ARL15: variants seen among roughly 807,000 people sequenced by gnomAD.
ARL15 encodes the protein ADP-ribosylation factor-like protein 15.
Under a neutral mutation model 25.2 loss-of-function variants are expected in ARL15, and 19 were observed. That is an observed-to-expected ratio of 0.75 (90% CI 0.53 to 1.10). The LOEUF is 1.10. ARL15 is among the 50% of genes least tolerant of loss of function. The pLI is 0.00. For missense variants in ARL15, 220 were observed against 246.0 expected, an observed-to-expected ratio of 0.89 and a Z score of 0.71; for synonymous variants, 94 against 86.8, an observed-to-expected ratio of 1.08 and a Z score of -0.46.
intron 4 of ARL15, among the ~76,000 whole-genome samples, chr5:54,044,720 G>T (rs1750453904): frequency 1.3e-5 from 2 of 152,054 alleles, no homozygotes; most frequent in African/African-American, 4.8e-5. Flanking sequence ...ACAGTTTTTT[G>T]TGTGCCTTTA....
At chr5:54,037,680 G>A (rs774492705) in intron 4 of ARL15, among the ~76,000 whole-genome samples, 39 of 152,058 alleles carry the variant, frequency 2.6e-4, no homozygotes, top group Middle Eastern at 3.4e-3. Context: ...GGATGATTAC[G>A]GTATTTAATA....
chr5:53,909,718 T>A (rs1025069818), intron 4 of ARL15, among the ~76,000 whole-genome samples: 2 of 151,566 alleles, frequency 1.3e-5, no homozygotes, highest in African/African-American at 4.8e-5. Flanking sequence ...AAAAGAAAAA[T>A]AATAATAAAA....
intron 1 of ARL15, among the ~76,000 whole-genome samples, chr5:54,187,155 C>T (rs1020218341): frequency 3.3e-5 from 5 of 152,158 alleles, no homozygotes; most frequent in African/African-American, 1.2e-4. Context: ...ATGCTAACTG[C>T]TTGCCACCCT....
At chr5:54,071,127 G>C (rs1751404436) in intron 4 of ARL15, among the ~76,000 whole-genome samples, 1 of 151,330 alleles carries the variant, frequency 6.6e-6, no homozygotes, top group South Asian at 2.1e-4. Context: ...CCATGTTCGT[G>C]CCGCTGCACT....
intron 4 of ARL15, among the ~76,000 whole-genome samples, chr5:53,987,768 C>A (rs1251927797): frequency 6.6e-6 from 1 of 152,076 alleles, no homozygotes; most frequent in Non-Finnish European, 1.5e-5. Context: ...CTAGGCAACA[C>A]AGGGAGACCC....
intron 1 of ARL15, among the ~76,000 whole-genome samples, chr5:54,290,293 T>C (rs1206955265): frequency 6.6e-6 from 1 of 151,288 alleles, no homozygotes; most frequent in Non-Finnish European, 1.5e-5. Context: ...TTATATCAAC[T>C]ATCACTCAAC....
intron 4 of ARL15, among the ~76,000 whole-genome samples, chr5:53,919,877 C>T (rs926221491): frequency 6.6e-6 from 1 of 152,124 alleles, no homozygotes; most frequent in Non-Finnish European, 1.5e-5. Context: ...CACTGTCCTG[C>T]CATTTTCTAA....
chr5:54,064,715 T>TA (rs1404334261), intron 4 of ARL15, among the ~76,000 whole-genome samples: 1 of 136,042 alleles, frequency 7.4e-6, no homozygotes, highest in Non-Finnish European at 1.6e-5. Flanking sequence ...TTATGAGCAC[T>TA]AAAAATCTAG....
At chr5:54,029,490 T>A (rs1259642826) in intron 4 of ARL15, among the ~76,000 whole-genome samples, 1 of 152,102 alleles carries the variant, frequency 6.6e-6, no homozygotes, top group Non-Finnish European at 1.5e-5. Flanking sequence ...GTAGACATAT[T>A]AAGCATATGT....
intron 1 of ARL15, among the ~76,000 whole-genome samples, chr5:54,189,139 A>G (rs1755325875): frequency 6.6e-6 from 1 of 152,204 alleles, no homozygotes; most frequent in Non-Finnish European, 1.5e-5. Context: ...GTACAATAAA[A>G]GCCACAAAAC....
chr5:53,909,960 T>C (rs1161338428), intron 4 of ARL15, among the ~76,000 whole-genome samples: 1 of 152,196 alleles, frequency 6.6e-6, no homozygotes, highest in South Asian at 2.1e-4. Flanking sequence ...TTTTTAACCA[T>C]CATAGTTAAG....
intron 4 of ARL15, among the ~76,000 whole-genome samples, chr5:54,105,471 A>T (rs759933451): frequency 6.6e-6 from 1 of 152,262 alleles, no homozygotes; most frequent in Non-Finnish European, 1.5e-5. Context: ...GTTATGATTC[A>T]TTATAAAATA....
intron 4 of ARL15, among the ~76,000 whole-genome samples, chr5:54,029,150 C>T (rs1447925606): frequency 6.6e-6 from 1 of 152,110 alleles, no homozygotes; most frequent in Non-Finnish European, 1.5e-5. Flanking sequence ...CTTTTACTTG[C>T]CCTATAACCT....
chr5:54,298,179 G>A (rs1053388037), intron 1 of ARL15, among the ~76,000 whole-genome samples: 3 of 151,844 alleles, frequency 2.0e-5, no homozygotes, highest in Non-Finnish European at 2.9e-5. Flanking sequence ...CTAAGTTCCC[G>A]CACCCCATTG....
intron 1 of ARL15, among the ~76,000 whole-genome samples, chr5:54,222,079 G>A (rs1756394705): frequency 6.6e-6 from 1 of 152,216 alleles, no homozygotes; most frequent in African/African-American, 2.4e-5. Flanking sequence ...CCAAGCTGGA[G>A]TGGAAATATC....
chr5:54,296,110 T>C (rs1758459953), intron 1 of ARL15, among the ~76,000 whole-genome samples: 1 of 152,088 alleles, frequency 6.6e-6, no homozygotes, highest in Admixed American at 6.5e-5. Context: ...GAATCAGAAA[T>C]AGCTGCCACT....
rs190599647 is a variant in ARL15, at chr5:53,996,544, G to A, written c.463-109831C>T. On this transcript the variant is annotated intron_variant, in intron 4 of 4. Coordinates refer to ENST00000504924, the MANE Select transcript of ARL15 (RefSeq NM_019087.3). ...TGAAGCACGAGAATTGCTTGAACCCGGGAGGCGGAGGTTGCAGTGCGCTGA... is the reference window on the plus strand; with the variant it reads ...TGAAGCACGAGAATTGCTTGAACCCAGGAGGCGGAGGTTGCAGTGCGCTGA... 8.8e-3 allele frequency among the ~76,000 whole-genome samples: 1,334 copies of A among 150,852 alleles called. 22 individuals are homozygous for A. The highest frequency in any genetic ancestry group is 0.031 in the African/African-American group (1,267 of 41,078).
At chr5:54,166,239 G>C (rs1472482922) in intron 2 of ARL15, among the ~76,000 whole-genome samples, 1 of 151,932 alleles carries the variant, frequency 6.6e-6, no homozygotes, top group East Asian at 1.9e-4. Context: ...CTGTCACCCA[G>C]GTTGGAGTAA....
chr5:54,015,802 C>A (rs1329108959), intron 4 of ARL15, among the ~76,000 whole-genome samples: 1 of 152,212 alleles, frequency 6.6e-6, no homozygotes, highest in East Asian at 1.9e-4. Context: ...AAAATACACC[C>A]CTTTGGCATC....
Sources: gnomAD v4.1 joint callset for allele counts (sites outside exome capture counted in the v4.1 genomes callset) on GRCh38, gnomAD v4.1.1 for gene constraint, MANE v1.5 for transcripts, NCBI Gene and HGNC (gene_info 2026-07-23, HGNC 2026-07-21) for gene names.